Variants in SGCZ observed in about 807,000 individuals in gnomAD.
SGCZ encodes zeta-sarcoglycan.
In SGCZ, 40 loss-of-function variants were observed where a neutral mutation model predicts 41.3. The observed-to-expected ratio is 0.97, with a 90% CI of 0.75 to 1.26. The LOEUF (loss-of-function observed/expected upper bound fraction) is 1.26. Ranked by LOEUF, SGCZ falls within the 50% of genes most tolerant of loss-of-function variation. The probability of loss-of-function intolerance (pLI) is 0.00; values close to 1 mark genes in which losing one functional copy is unlikely to be tolerated. For missense variants in SGCZ, 552 were observed against 369.8 expected (o/e 1.49, Z -4.04); for synonymous variants, 206 against 137.5 (o/e 1.50, Z -3.49).
At chr8:14,329,851 T>C (rs148964680) in intron 2 of SGCZ, among the ~76,000 whole-genome samples, 32 of 144,978 alleles carry the variant, frequency 2.2e-4, no homozygotes, top group African/African-American at 6.8e-4. Context: ...TTGGTTTGTT[T>C]GTATTTGCTT....
At chr8:14,234,759 C>G (rs1385374569) in intron 4 of SGCZ, among the ~76,000 whole-genome samples, 4 of 152,108 alleles carry the variant, frequency 2.6e-5, no homozygotes. Flanking sequence ...TTAAATTTTA[C>G]TTTTCTACAT....
intron 1 of SGCZ, among the ~76,000 whole-genome samples, chr8:14,623,153 A>G (rs1376978154): frequency 6.6e-6 from 1 of 152,208 alleles, no homozygotes; most frequent in Admixed American, 6.6e-5. Context: ...AAGATTTAAA[A>G]GCACATATAC....
chr8:15,215,199 T>A (rs1468619054), intron 1 of SGCZ, among the ~76,000 whole-genome samples: 3 of 152,206 alleles, frequency 2.0e-5, no homozygotes, highest in Non-Finnish European at 4.4e-5. Flanking sequence ...ACTAGATATA[T>A]CACAGTTACA....
At chr8:14,689,132 T>C (rs960421950) in intron 1 of SGCZ, among the ~76,000 whole-genome samples, 5 of 152,140 alleles carry the variant, frequency 3.3e-5, no homozygotes. Flanking sequence ...AGTAGCTCTT[T>C]AATACAAATT....
intron 4 of SGCZ, among the ~76,000 whole-genome samples, chr8:14,234,149 A>G (rs188434054): frequency 2.0e-5 from 3 of 152,192 alleles, no homozygotes; most frequent in Admixed American, 2.0e-4. Context: ...TTTTCTACCT[A>G]AAGTTTTAAA....
chr8:14,366,201 G>T (rs1466396275), intron 2 of SGCZ, among the ~76,000 whole-genome samples: 1 of 152,068 alleles, frequency 6.6e-6, no homozygotes, highest in East Asian at 1.9e-4. Context: ...ACCAGAGACT[G>T]GATATTTCAT....
At chr8:15,050,038 A>G (rs1024053032) in intron 1 of SGCZ, among the ~76,000 whole-genome samples, 1 of 152,130 alleles carries the variant, frequency 6.6e-6, no homozygotes, top group Non-Finnish European at 1.5e-5. Flanking sequence ...AATACAGTCA[A>G]TAGTTGGGAC....
In SGCZ at chr8:14,609,482, CT is replaced by C. The variant is rs546256667; in HGVS notation, c.40-54557del. Among the ~76,000 whole-genome samples the C allele has an allele frequency of 2.8e-3, 425 of 152,040 alleles. 1 individual carries two copies. The highest frequency in any genetic ancestry group is 4.7e-3 in the Non-Finnish European group (320 of 67,984). On this transcript the variant is annotated intron_variant, in intron 1 of 7. Coordinates refer to ENST00000382080, the MANE Select transcript of SGCZ (RefSeq NM_139167.4). ...AAAAAAAGTCTTAATTAAATTAGAC[CT>C]TCTGGCATGATGAAAAGTACTGCAT... is the stretch of plus-strand genomic sequence containing the variant.
At chr8:14,355,264 G>T (rs1803252751) in intron 2 of SGCZ, among the ~76,000 whole-genome samples, 1 of 151,900 alleles carries the variant, frequency 6.6e-6, no homozygotes, top group South Asian at 2.1e-4. Flanking sequence ...TAAAACAGGA[G>T]CACAATTTTT....
intron 1 of SGCZ, among the ~76,000 whole-genome samples, chr8:15,048,442 T>A (rs1804392656): frequency 6.6e-6 from 1 of 152,052 alleles, no homozygotes; most frequent in African/African-American, 2.4e-5. Context: ...TACTTAATAA[T>A]AATTCATTGT....
At chr8:14,109,003 T>G (rs573057746) in intron 5 of SGCZ, among the ~76,000 whole-genome samples, 10 of 152,238 alleles carry the variant, frequency 6.6e-5, no homozygotes, top group Non-Finnish European at 1.3e-4. Context: ...CAGTGTAGCC[T>G]ATTATTGGTT....
chr8:15,131,179 T>C (rs1807883732), intron 1 of SGCZ, among the ~76,000 whole-genome samples: 3 of 152,298 alleles, frequency 2.0e-5, no homozygotes, highest in South Asian at 4.1e-4. Flanking sequence ...CCCACCCAAA[T>C]GTCATCTTGA....
chr8:14,349,322 T>C (rs899411415), intron 2 of SGCZ, among the ~76,000 whole-genome samples: 4 of 152,084 alleles, frequency 2.6e-5, no homozygotes, highest in African/African-American at 9.7e-5. Flanking sequence ...GAAACTTCTT[T>C]AACTCAGTGA....
At chr8:14,856,401 C>T (rs1803546533) in intron 1 of SGCZ, among the ~76,000 whole-genome samples, 1 of 152,098 alleles carries the variant, frequency 6.6e-6, no homozygotes, top group Admixed American at 6.6e-5. Context: ...AAGAAGTGTA[C>T]TTAGATGATA....
chr8:14,443,642 C>T (rs1450968613), intron 2 of SGCZ, among the ~76,000 whole-genome samples: 1 of 152,136 alleles, frequency 6.6e-6, no homozygotes, highest in African/African-American at 2.4e-5. Flanking sequence ...CTTCCTTACA[C>T]CTTATATAAA....
intron 1 of SGCZ, among the ~76,000 whole-genome samples, chr8:15,156,944 CA>C (rs1204736250): frequency 0.13 from 12,055 of 89,762 alleles, 625 homozygotes; most frequent in South Asian, 0.19. Flanking sequence ...AACTCTGTCT[CA>C]AAAAAAAAAA....
At chr8:14,198,464 AG>A (rs1234154705) in intron 4 of SGCZ, among the ~76,000 whole-genome samples, 1 of 152,186 alleles carries the variant, frequency 6.6e-6, no homozygotes, top group Non-Finnish European at 1.5e-5. Flanking sequence ...GAGAGAGCCA[AG>A]GGTTGTAAAA....
rs116945338 is a variant in SGCZ at position 14,275,626 on chromosome 8, T to C, written c.337-37947A>G. ...CCCCAGGAATACTGTCCTGAGCTAG[T>C]GTTAGCACTGCACCAGCTTACGGAC... On this transcript the variant is annotated intron_variant, in intron 3 of 7. Transcript: ENST00000382080. Among the ~76,000 whole-genome samples, 117 of 152,298 alleles carry C rather than the reference T, an allele frequency of 7.7e-4. 2 individuals are homozygous for C. The East Asian group carries it at 0.017, about 22-fold the overall frequency.
chr8:14,117,419 T>G (rs1201154590), intron 5 of SGCZ, among the ~76,000 whole-genome samples: 2 of 146,416 alleles, frequency 1.4e-5, no homozygotes, highest in Non-Finnish European at 3.0e-5. Flanking sequence ...TGTGTGTGTG[T>G]GTGTGTGTGT....
Sources: gnomAD v4.1 joint callset for allele counts (sites outside exome capture counted in the v4.1 genomes callset) on GRCh38, gnomAD v4.1.1 for gene constraint, MANE v1.5 for transcripts, NCBI Gene and HGNC (gene_info 2026-07-23, HGNC 2026-07-21) for gene names.